The following TMEM267 variants were observed in gnomAD, a reference collection of about 807,000 sequenced individuals.
TMEM267 encodes the protein transmembrane protein C5orf28.
Under a neutral mutation model 19.3 loss-of-function variants are expected in TMEM267, and 20 were observed. The observed-to-expected ratio is 1.04, with a 90% CI of 0.73 to 1.51. The LOEUF (loss-of-function observed/expected upper bound fraction) is 1.51. Ranked by LOEUF, TMEM267 falls within the 40% of genes most tolerant of loss-of-function variation. The pLI is 0.00. For missense variants in TMEM267, 242 were observed against 261.9 expected (o/e 0.92, Z 0.52); for synonymous variants, 88 against 90.3 (o/e 0.97, Z 0.15).
In TMEM267 at chr5:43,446,322, A is replaced by G; in HGVS notation, c.548T>C (p.Ile183Thr). ...GATGTGAGGTAAAGATGATGTGATT[A>G]TTACATAAAGCCAGAATGGCAAAGG... ...TSPLPFWLYV[I>T]ITSSLPHICS... The change falls in exon 3 of 3, where the codon ATA becomes ACA. Residue 183 changes from isoleucine (I) to threonine (T), a missense_variant. Ile to Thr is a moderately conservative substitution (Grantham distance 89). Coordinates refer to ENST00000397080, the MANE Select transcript of TMEM267 (RefSeq NM_022483.5). 1 of 1,613,860 alleles carries G rather than the reference A, an allele frequency of 6.2e-7. No homozygotes were observed. The highest frequency in any genetic ancestry group is 8.5e-7 in the Non-Finnish European group (1 of 1,179,722).
chr5:43,455,641 G>C (rs1431722897), intron 1 of TMEM267, among the ~76,000 whole-genome samples: 1 of 152,092 alleles, frequency 6.6e-6, no homozygotes, highest in Non-Finnish European at 1.5e-5. Flanking sequence ...TCTGCCTCCT[G>C]GGTTCAAGCA....
chr5:43,465,834 T>A (rs894026335), intron 1 of TMEM267, among the ~76,000 whole-genome samples: 1 of 151,994 alleles, frequency 6.6e-6, no homozygotes, highest in Non-Finnish European at 1.5e-5. Flanking sequence ...GGGATAGCAT[T>A]AGGACATATA....
chr5:43,482,080 T>C (rs1434415382), intron 1 of TMEM267, among the ~76,000 whole-genome samples: 3 of 152,320 alleles, frequency 2.0e-5, no homozygotes, highest in South Asian at 2.1e-4. Flanking sequence ...CCTGATCTCG[T>C]GATCCGCCCG....
chr5:43,464,245 C>G (rs1451974400), intron 1 of TMEM267, among the ~76,000 whole-genome samples: 1 of 151,734 alleles, frequency 6.6e-6, no homozygotes, highest in African/African-American at 2.4e-5. Context: ...ATCCAACTTA[C>G]AAGGGATGTG....
Position 43,446,871 on chromosome 5 carries a change from G to A in TMEM267, c.313-314C>T, listed in dbSNP as rs371831141. ...TTTATAATCTAAGTGTACAGTTTGTGTAATTTGGAGTTTTATATAATTATC... is the reference window on the plus strand; with the variant it reads ...TTTATAATCTAAGTGTACAGTTTGTATAATTTGGAGTTTTATATAATTATC... On this transcript the variant is annotated intron_variant, in intron 2 of 2. Transcript: ENST00000397080. 5.9e-5 allele frequency among the ~76,000 whole-genome samples: 9 copies of A among 151,922 alleles called. No homozygotes were observed. The South Asian group carries it at 1.9e-3, about 31-fold the overall frequency.
Position 43,454,004 on chromosome 5 carries a change from C to A in TMEM267, c.-35G>T. The A allele has an allele frequency of 1.3e-6, 2 of 1,592,084 alleles. No individual in the cohort carries two copies. Among genetic ancestry groups the A allele is most frequent in the East Asian group, 2.2e-5 (1 of 44,598 alleles). ...TATGTTAGTATAGACTAAAAGCCATCAGGAATGAACAGTCTATTCTTGTTT... is the reference window on the plus strand; with the variant it reads ...TATGTTAGTATAGACTAAAAGCCATAAGGAATGAACAGTCTATTCTTGTTT... On this transcript the variant is annotated 5_prime_UTR_variant, in exon 2 of 3. Coordinates refer to ENST00000397080, the MANE Select transcript of TMEM267 (RefSeq NM_022483.5).
intron 1 of TMEM267, among the ~76,000 whole-genome samples, chr5:43,454,768 C>T (rs1295360448): frequency 6.6e-6 from 1 of 152,146 alleles, no homozygotes; most frequent in East Asian, 1.9e-4. Flanking sequence ...CCATCAAATC[C>T]CCTTTACATT....
upstream of TMEM267, chr5:43,484,367 A>C (rs958805088): frequency 6.6e-6 from 1 of 152,158 alleles, no homozygotes; most frequent in Non-Finnish European, 1.5e-5. Flanking sequence ...TTTTCACCAG[A>C]CTGAGGGACC....
intron 1 of TMEM267, among the ~76,000 whole-genome samples, chr5:43,475,391 G>A (rs754631253): frequency 6.6e-6 from 1 of 152,110 alleles, no homozygotes; most frequent in Non-Finnish European, 1.5e-5. Flanking sequence ...GGGGGGCTAG[G>A]GGAGGGATAG....
intron 1 of TMEM267, among the ~76,000 whole-genome samples, chr5:43,483,474 G>T (rs1744922341): frequency 6.6e-6 from 1 of 152,206 alleles, no homozygotes; most frequent in Non-Finnish European, 1.5e-5. Flanking sequence ...CCTTCGGCAC[G>T]ACTCCCGGAA....
In TMEM267 at chr5:43,466,534, T is replaced by A. The variant is rs147886937; in HGVS notation, c.-74-12491A>T. 2.0e-3 allele frequency among the ~76,000 whole-genome samples: 301 copies of A among 152,238 alleles called. 3 individuals are homozygous for A. Among genetic ancestry groups the A allele is most frequent in the Non-Finnish European group, 3.8e-3 (256 of 68,018 alleles). ...AACTTCAGTCAGAAAGGAAAGGATGTTAATGAGCAATAAGAAATAATTTGA... is the reference window on the plus strand; with the variant it reads ...AACTTCAGTCAGAAAGGAAAGGATGATAATGAGCAATAAGAAATAATTTGA... On this transcript the variant is annotated intron_variant, in intron 1 of 2. Coordinates refer to ENST00000397080, the MANE Select transcript of TMEM267 (RefSeq NM_022483.5).
intron 2 of TMEM267, among the ~76,000 whole-genome samples, chr5:43,450,928 G>A (rs951558947): frequency 5.9e-5 from 9 of 151,836 alleles, no homozygotes; most frequent in South Asian, 2.1e-4. Flanking sequence ...TCCACCTCCC[G>A]GGTTCAAGCA....
chr5:43,468,576 G>A (rs541227742), intron 1 of TMEM267, among the ~76,000 whole-genome samples: 3 of 152,290 alleles, frequency 2.0e-5, no homozygotes, highest in South Asian at 4.1e-4. Flanking sequence ...AAACCAAGCT[G>A]TGCCCTGACC....
At chr5:43,448,463 G>A (rs2112008552) in intron 2 of TMEM267, among the ~76,000 whole-genome samples, 1 of 152,192 alleles carries the variant, frequency 6.6e-6, no homozygotes, top group South Asian at 2.1e-4. Flanking sequence ...AGCTAGTATA[G>A]GAGGAAAATC....
intron 1 of TMEM267, among the ~76,000 whole-genome samples, chr5:43,483,320 G>A (rs1434579907): frequency 6.6e-6 from 1 of 152,182 alleles, no homozygotes; most frequent in East Asian, 1.9e-4. Flanking sequence ...TCTGAGTCTG[G>A]TGTGATGCAA....
intron 1 of TMEM267, among the ~76,000 whole-genome samples, chr5:43,463,404 A>G (rs543619449): frequency 8.5e-5 from 13 of 152,322 alleles, no homozygotes; most frequent in Admixed American, 3.9e-4. Context: ...ATTCCAATCA[A>G]TAGAAAAAGA....
At chr5:43,468,105 C>G (rs375810064) in intron 1 of TMEM267, among the ~76,000 whole-genome samples, 3 of 139,336 alleles carry the variant, frequency 2.2e-5, no homozygotes, top group African/African-American at 5.5e-5. Context: ...ACTTTCATAC[C>G]TTGGTTTAGG....
At chr5:43,481,280 T>A (rs1744749681) in intron 1 of TMEM267, among the ~76,000 whole-genome samples, 1 of 151,680 alleles carries the variant, frequency 6.6e-6, no homozygotes, top group African/African-American at 2.4e-5. Context: ...TTTAAAGTGT[T>A]TTGTAGAGAT....
intron 1 of TMEM267, among the ~76,000 whole-genome samples, chr5:43,465,330 T>A (rs1743584566): frequency 6.6e-6 from 1 of 152,114 alleles, no homozygotes; most frequent in Non-Finnish European, 1.5e-5. Flanking sequence ...AGGATGTGGA[T>A]GTGGAGAAAT....
Sources: allele counts gnomAD v4.1 joint callset (sites outside exome capture counted in the v4.1 genomes callset), GRCh38; gene constraint gnomAD v4.1.1; transcripts MANE v1.5; gene names NCBI Gene and HGNC (gene_info 2026-07-23, HGNC 2026-07-21).